The following NEB variants were observed in gnomAD, a reference collection of about 807,000 sequenced individuals.
NEB encodes the protein nemaline myopathy type 2.
Under a neutral mutation model 952.2 loss-of-function variants are expected in NEB, and 512 were observed. That is an observed-to-expected ratio of 0.54 (90% CI 0.50 to 0.58). The LOEUF (loss-of-function observed/expected upper bound fraction) is 0.58. NEB is among the 20% of genes least tolerant of loss of function. The pLI is 0.00. For missense variants in NEB, 8,428 were observed against 9,231.1 expected, an observed-to-expected ratio of 0.91 and a Z score of 3.56; for synonymous variants, 2,900 against 3,149.8, an observed-to-expected ratio of 0.92 and a Z score of 2.66.
At chr2:151,498,187 AAAAT>A (rs2061639498) in intron 170 of NEB, 69 bp downstream of exon 170, 1 of 1,547,878 alleles carries the variant, frequency 6.5e-7, no homozygotes, top group Admixed American at 2.0e-5. Context: ...GCTTCAAACA[AAAAT>A]AAATAAATGT....
chr2:151,552,532 T>G (rs923530280), intron 128 of NEB, 140 bp downstream of exon 128: 1 of 603,468 alleles, frequency 1.7e-6, no homozygotes, highest in Non-Finnish European at 3.0e-6. Context: ...AGCAGCATCT[T>G]CAGTGCTTTC....
chr2:151,670,916 T>C (rs1026449777), intron 38 of NEB, 107 bp downstream of exon 38: 50 of 1,181,416 alleles, frequency 4.2e-5, no homozygotes, highest in East Asian at 1.7e-4. Context: ...AGCAGTTTAT[T>C]TGCTAACATA....
chr2:151,663,736 T>G lies in NEB; in HGVS notation c.5575A>C (p.Lys1859Gln), dbSNP rs754791239. 6.2e-7 allele frequency: 1 copy of G among 1,613,824 alleles called. No homozygotes were observed. The highest frequency in any genetic ancestry group is 8.5e-7 in the Non-Finnish European group (1 of 1,179,802). The change falls in exon 45 of 182, where the codon AAG (lysine) becomes CAG (glutamine). Residue 1859 changes from lysine to glutamine, a missense_variant. Around this residue, in one of 11 missense-constraint regions of NEB, gnomAD observed 2,851 missense variants for 2,791.5 expected, o/e 1.02. Coordinates refer to ENST00000397345, the MANE Select transcript of NEB (RefSeq NM_001164508.2). ...GTCTTGGATTTCTCATATCCCTTCT[T>G]GTATTCCCGGTCTGACTGCATCTTG... Reference protein sequence around the residue: ...VAKMQSDREYKKGYEKSKTSF... With the variant: ...VAKMQSDREYQKGYEKSKTSF...
At chr2:151,578,705 GGGAA>G (rs942311119) in intron 105 of NEB, among the ~76,000 whole-genome samples, 19 of 144,542 alleles carry the variant, frequency 1.3e-4, no homozygotes, top group South Asian at 4.5e-4. Context: ...GAGAGAAGGA[GGGAA>G]GGAAGGAAGG....
intron 72 of NEB, among the ~76,000 whole-genome samples, chr2:151,620,025 A>G (rs747695048): frequency 6.6e-6 from 1 of 152,158 alleles, no homozygotes; most frequent in Non-Finnish European, 1.5e-5. Flanking sequence ...GAGTCCAATT[A>G]CAGTAATAAA....
Position 151,527,505 on chromosome 2 carries a change from G to T in NEB, c.21816C>A (p.Ala7272=). The part of the protein sequence containing the change: ...TPDRPDFLQA[A]KSSLQQSDFE... ...CATCGCTTTGCTGCAGGGATGACTT[G>T]GCAGCCTGGAGGAAGTCCGGTCGGT... Residue 7272 remains alanine (A), a synonymous_variant, in exon 147 of 182, where the codon GCC becomes GCA. Coordinates refer to ENST00000397345, the MANE Select transcript of NEB (RefSeq NM_001164508.2). 1 of 1,613,216 alleles carries T rather than the reference G, an allele frequency of 6.2e-7. No individual in the cohort carries two copies. Among genetic ancestry groups the T allele is most frequent in the African/African-American group, 1.3e-5 (1 of 75,028 alleles).
At chr2:151,665,973 T>A in intron 41 of NEB, 117 bp downstream of exon 41, 1 of 1,077,736 alleles carries the variant, frequency 9.3e-7, no homozygotes, top group Non-Finnish European at 1.3e-6. Context: ...AAACTCTGAG[T>A]TCTGGAGGGA....
intron 7 of NEB, 63 bp downstream of exon 7, chr2:151,724,794 A>G: frequency 7.1e-7 from 1 of 1,399,452 alleles, no homozygotes; most frequent in Non-Finnish European, 1.0e-6. Context: ...TTTCTCCTAT[A>G]AGACAATGCA....
Position 151,723,437 on chromosome 2 carries a change from T to C in NEB, c.662A>G (p.Tyr221Cys), listed in dbSNP as rs571230045. Residue 221 changes from tyrosine to cysteine, a missense_variant, in exon 9 of 182, where the codon TAT (tyrosine) becomes TGT (cysteine). By Grantham distance (194) the Tyr-to-Cys change is radical (BLOSUM62 -2). Transcript: ENST00000397345. ...TCTCCTCAGTTCCGGGCTATCATTATAGGGGTAAAACAAACTTTTGTCTGC... is the reference window on the plus strand; with the variant it reads ...TCTCCTCAGTTCCGGGCTATCATTACAGGGGTAAAACAAACTTTTGTCTGC... The part of the protein sequence containing the change: ...WEADKSLFYP[Y>C]NDSPELRRVA... The C allele has an allele frequency of 1.9e-6, 3 of 1,610,574 alleles. No individual in the cohort carries two copies. The highest frequency in any genetic ancestry group is 1.7e-5 in the Admixed American group (1 of 59,598).
rs187118760 is a variant in NEB, at chr2:151,616,125, T to C, written c.11182-16A>G. The C allele has an allele frequency of 2.6e-6, 4 of 1,536,028 alleles. No individual in the cohort carries two copies. In the African/African-American group the frequency reaches 4.1e-5, roughly 16 times the overall value. ...TATAGAGTTTCTGTAGAAAAGAAAG[T>C]CATTACTCATTTACTCCTTCCATAA... is the stretch of plus-strand genomic sequence containing the variant. On this transcript the variant is annotated splice_polypyrimidine_tract_variant and intron_variant, in intron 75 of 181. Transcript: ENST00000397345.
In NEB at chr2:151,692,374, A is replaced by T. The variant is rs2099559697; in HGVS notation, c.1897-12T>A. ...TCCTTGTATAATCTCTGTTAAAGGA[A>T]AAATAAATTAAACCAAAAAGAAAGA... is the stretch of plus-strand genomic sequence containing the variant. On this transcript the variant is annotated splice_polypyrimidine_tract_variant and intron_variant, in intron 20 of 181. Transcript: ENST00000397345. 1 of 1,552,324 alleles carries T rather than the reference A, an allele frequency of 6.4e-7. No individual in the cohort carries two copies. Among genetic ancestry groups the T allele is most frequent in the South Asian group, 1.1e-5 (1 of 88,720 alleles).
chr2:151,706,561 CACA>C (rs143815307), intron 13 of NEB, among the ~76,000 whole-genome samples: 133 of 152,214 alleles, frequency 8.7e-4, no homozygotes, highest in African/African-American at 2.9e-3. Flanking sequence ...CTGTCAAAAT[CACA>C]ACACGTCTGC....
chr2:151,729,621 C>A lies in NEB; in HGVS notation c.72G>T (p.Pro24=), dbSNP rs750064909. Residue 24 remains proline, a synonymous_variant, in exon 4 of 182, where the codon CCG becomes CCT. Transcript: ENST00000397345. ...GCTGTGGGCTGGGCCTTACCTCTCC[C>A]GGCACCTCTTCGTAAACCACTTCTT... ...YTEEVVYEEV[P]GETITKIYET... 1.2e-6 allele frequency: 2 copies of A among 1,613,246 alleles called. No individual in the cohort carries two copies. The highest frequency in any genetic ancestry group is 2.2e-5 in the East Asian group (1 of 44,862).
intron 153 of NEB, among the ~76,000 whole-genome samples, chr2:151,522,777 A>G (rs1002463436): frequency 6.6e-6 from 1 of 152,210 alleles, no homozygotes; most frequent in African/African-American, 2.4e-5. Flanking sequence ...ATGCCTCATC[A>G]TAGGGGTGTC....
intron 178 of NEB, 70 bp from the exon 179 acceptor site, chr2:151,491,845 A>C: frequency 7.9e-7 from 1 of 1,259,336 alleles, no homozygotes; most frequent in South Asian, 1.4e-5. Flanking sequence ...CCAAGGCATG[A>C]ATTTTAACAA....
In NEB at chr2:151,554,790, G is replaced by C. The variant is rs915332809; in HGVS notation, c.19428+141C>G. On this transcript the variant is annotated intron_variant, in intron 125 of 181. Coordinates refer to ENST00000397345, the MANE Select transcript of NEB (RefSeq NM_001164508.2). ...GTACAGTAACATGCTGTACAGGTTT[G>C]TAGTCTAGGAGCAATAGGCTATCCC... 194 of 702,640 alleles carry C rather than the reference G, an allele frequency of 2.8e-4. No homozygotes were observed. In the African/African-American group the frequency reaches 3.2e-3, roughly 12 times the overall value. The allele number at this position is 702,640 out of a possible 1,614,324, so 43.5% of individuals were successfully genotyped here. A position where few individuals can be genotyped will look rare whatever the true frequency, so the allele number is the denominator to read the frequency against.
intron 146 of NEB, among the ~76,000 whole-genome samples, chr2:151,528,254 G>A (rs1296226214): frequency 2.0e-5 from 3 of 152,156 alleles, no homozygotes; most frequent in Non-Finnish European, 2.9e-5. Flanking sequence ...TAATTTGAGT[G>A]TCCTTGGGAG....
chr2:151,581,671 T>C, intron 102 of NEB, 84 bp from the exon 103 acceptor site: 1 of 1,472,508 alleles, frequency 6.8e-7, no homozygotes, highest in Non-Finnish European at 9.2e-7. Context: ...TCATAAAACA[T>C]ACTTGAATAA....
At chr2:151,534,621 A>G (rs76673906) in intron 142 of NEB, among the ~76,000 whole-genome samples, 24 of 152,344 alleles carry the variant, frequency 1.6e-4, no homozygotes, top group Non-Finnish European at 2.5e-4. Context: ...ATCTAACGGT[A>G]TATTTAAAAT....
Sources: gnomAD v4.1 joint callset for allele counts (sites outside exome capture counted in the v4.1 genomes callset) on GRCh38, gnomAD v4.1.1 for gene constraint, gnomAD v4.1.1 regional missense constraint, MANE v1.5 for transcripts, NCBI Gene and HGNC (gene_info 2026-07-23, HGNC 2026-07-21) for gene names.